PPP1R12B: variants seen among roughly 807,000 people sequenced by gnomAD.
PPP1R12B encodes protein phosphatase 1 regulatory subunit 12B.
PPP1R12B carries 76 observed loss-of-function variants against 126.1 expected under a neutral mutation model. That is an observed-to-expected ratio of 0.60 (90% CI 0.50 to 0.73). The LOEUF (loss-of-function observed/expected upper bound fraction) is 0.73. Among genes scored for constraint, PPP1R12B ranks in the 30% least tolerant of loss-of-function variants. The pLI is 0.00. For missense variants in PPP1R12B, 1,052 were observed against 1,205.1 expected (o/e 0.87, Z 1.88); for synonymous variants, 356 against 434.7 (o/e 0.82, Z 2.25).
chr1:202,380,133 T>C (rs1661998049), intron 1 of PPP1R12B, among the ~76,000 whole-genome samples: 1 of 140,530 alleles, frequency 7.1e-6, no homozygotes, highest in African/African-American at 3.1e-5. Flanking sequence ...TTCTCTTTGC[T>C]TAACTGCTCC....
At chr1:202,436,951 G>C (rs1670905444) in intron 9 of PPP1R12B, among the ~76,000 whole-genome samples, 1 of 151,734 alleles carries the variant, frequency 6.6e-6, no homozygotes, top group South Asian at 2.1e-4. Flanking sequence ...CTTGAAATTA[G>C]CAGTTAGAAT....
At chr1:202,377,740 A>G (rs986829930) in intron 1 of PPP1R12B, among the ~76,000 whole-genome samples, 6 of 152,164 alleles carry the variant, frequency 3.9e-5, no homozygotes, top group African/African-American at 1.4e-4. Context: ...AGAGAACAGT[A>G]AAGTAAGATG....
intron 2 of PPP1R12B, among the ~76,000 whole-genome samples, chr1:202,421,456 G>A (rs1166680844): frequency 6.6e-6 from 1 of 151,638 alleles, no homozygotes; most frequent in East Asian, 1.9e-4. Flanking sequence ...GACCAACATG[G>A]CAACACACCA....
At chr1:202,469,258 A>G (rs917986195) in intron 13 of PPP1R12B, among the ~76,000 whole-genome samples, 4 of 152,116 alleles carry the variant, frequency 2.6e-5, no homozygotes, top group African/African-American at 9.7e-5. Flanking sequence ...TTTTTTTGTT[A>G]TAATCTACAG....
intron 18 of PPP1R12B, among the ~76,000 whole-genome samples, chr1:202,542,087 G>C (rs1261020207): frequency 6.6e-6 from 1 of 152,156 alleles, no homozygotes; most frequent in Admixed American, 6.5e-5. Flanking sequence ...TAATGTCAGA[G>C]AAAGATATGC....
chr1:202,560,522 T>C (rs533236027), intron 19 of PPP1R12B, among the ~76,000 whole-genome samples: 5 of 152,334 alleles, frequency 3.3e-5, no homozygotes, highest in East Asian at 3.9e-4. Flanking sequence ...TAAGCTGTTA[T>C]GGTGTTGGTG....
chr1:202,374,748 G>A (rs945575608), intron 1 of PPP1R12B, among the ~76,000 whole-genome samples: 8 of 151,502 alleles, frequency 5.3e-5, no homozygotes, highest in Non-Finnish European at 1.0e-4. Context: ...CAGTCTGCCC[G>A]CCTGGTCTCG....
chr1:202,385,617 T>G (rs1298455846), intron 1 of PPP1R12B, among the ~76,000 whole-genome samples: 1 of 152,214 alleles, frequency 6.6e-6, no homozygotes, highest in Non-Finnish European at 1.5e-5. Context: ...GAAGCTACCC[T>G]AGTGATCATA....
chr1:202,439,626 A>C, intron 10 of PPP1R12B: 1 of 850,444 alleles, frequency 1.2e-6, no homozygotes, highest in Non-Finnish European at 1.9e-6. Flanking sequence ...GTGCTCCATA[A>C]CTCCCCCAGG....
Position 202,355,940 on chromosome 1 carries a change from C to T in PPP1R12B, c.291+6798C>T, listed in dbSNP as rs961745845. Among the ~76,000 whole-genome samples the T allele has an allele frequency of 5.3e-5, 8 of 152,110 alleles. No homozygotes were observed. The East Asian group carries it at 5.8e-4, about 11-fold the overall frequency. Reference sequence around the variant, plus strand: ...ATCCCAGCACTTTGGGAGGCCAAGGCGGGAGGATTGCTGGAGACCAGGAGT... The same window carrying T: ...ATCCCAGCACTTTGGGAGGCCAAGGTGGGAGGATTGCTGGAGACCAGGAGT... On this transcript the variant is annotated intron_variant, in intron 1 of 23. Transcript: ENST00000608999.
chr1:202,361,445 CTT>C (rs35085111), intron 1 of PPP1R12B, among the ~76,000 whole-genome samples: 18 of 152,142 alleles, frequency 1.2e-4, no homozygotes, highest in Non-Finnish European at 2.4e-4. Flanking sequence ...GTACCATACT[CTT>C]TTAAACAATC....
intron 18 of PPP1R12B, among the ~76,000 whole-genome samples, chr1:202,518,078 A>G (rs1338973463): frequency 1.3e-5 from 2 of 152,254 alleles, no homozygotes; most frequent in Non-Finnish European, 2.9e-5. Context: ...GGCTAGATTG[A>G]CAAAAGTCCC....
At chr1:202,475,865 G>A (rs1676572923) in intron 13 of PPP1R12B, among the ~76,000 whole-genome samples, 2 of 151,702 alleles carry the variant, frequency 1.3e-5, no homozygotes, top group Admixed American at 1.3e-4. Context: ...GGTTTTTTTG[G>A]GATCTCTGAA....
chr1:202,435,744 C>G (rs1300929552), intron 9 of PPP1R12B, among the ~76,000 whole-genome samples: 1 of 152,176 alleles, frequency 6.6e-6, no homozygotes, highest in Non-Finnish European at 1.5e-5. Context: ...ACTTAATGAT[C>G]TTCTTAGCAC....
chr1:202,392,416 T>C (rs527614096), intron 1 of PPP1R12B, among the ~76,000 whole-genome samples: 2 of 152,174 alleles, frequency 1.3e-5, no homozygotes, highest in South Asian at 2.1e-4. Flanking sequence ...AAGTCCAGAA[T>C]AGGGAAATCT....
chr1:202,494,430 C>A (rs1330852694), intron 15 of PPP1R12B, among the ~76,000 whole-genome samples: 1 of 152,102 alleles, frequency 6.6e-6, no homozygotes, highest in Non-Finnish European at 1.5e-5. Flanking sequence ...AAATTTACTA[C>A]ATTTTATTGT....
chr1:202,477,896 T>C (rs1230632214), intron 13 of PPP1R12B, among the ~76,000 whole-genome samples: 5 of 152,210 alleles, frequency 3.3e-5, no homozygotes, highest in Admixed American at 2.6e-4. Context: ...GAGATGGTAA[T>C]AAGAGGACTT....
intron 17 of PPP1R12B, among the ~76,000 whole-genome samples, chr1:202,496,551 T>C (rs1005862622): frequency 1.4e-4 from 22 of 152,244 alleles, no homozygotes; most frequent in African/African-American, 4.8e-4. Flanking sequence ...CTTAAAGATA[T>C]CCCTTTTCCA....
intron 1 of PPP1R12B, among the ~76,000 whole-genome samples, chr1:202,361,189 G>A (rs1438669927): frequency 1.3e-5 from 2 of 152,168 alleles, no homozygotes; most frequent in South Asian, 2.1e-4. Flanking sequence ...TACCGCTCCC[G>A]GCCTCCATTA....
Sources: gnomAD v4.1 joint callset for allele counts (sites outside exome capture counted in the v4.1 genomes callset) on GRCh38, gnomAD v4.1.1 for gene constraint, MANE v1.5 for transcripts, NCBI Gene and HGNC (gene_info 2026-07-23, HGNC 2026-07-21) for gene names.